Variants in TMCC1 observed in about 807,000 individuals in gnomAD.
TMCC1 encodes the protein transmembrane and coiled-coil domain family 1.
Under a neutral mutation model 52.4 loss-of-function variants are expected in TMCC1, and 15 were observed. That is an observed-to-expected ratio of 0.29 (90% CI 0.19 to 0.44). TMCC1 has a LOEUF of 0.44. Ranked by LOEUF, TMCC1 falls within the 20% of genes least tolerant of loss-of-function variation. The probability of loss-of-function intolerance (pLI) is 1.00; values close to 1 mark genes in which losing one functional copy is unlikely to be tolerated. For synonymous variants in TMCC1, 279 were observed against 301.9 expected (o/e 0.92, Z 0.79); for missense variants, 503 against 806.0 (o/e 0.62, Z 4.55).
At chr3:129,837,421 C>T (rs1312299805) in intron 2 of TMCC1, among the ~76,000 whole-genome samples, 1 of 152,088 alleles carries the variant, frequency 6.6e-6, no homozygotes, top group African/African-American at 2.4e-5. Context: ...AATTTGAAGC[C>T]TCTAGTTCCC....
chr3:129,813,956 C>T (rs144222244), intron 4 of TMCC1, among the ~76,000 whole-genome samples: 507 of 150,504 alleles, frequency 3.4e-3, no homozygotes, highest in Middle Eastern at 6.9e-3. Context: ...TTCATCCATT[C>T]TAAACTTGTC....
intron 4 of TMCC1, chr3:129,688,171 T>G (rs1418031910): frequency 6.1e-6 from 6 of 985,356 alleles, no homozygotes; most frequent in Non-Finnish European, 7.2e-6. Flanking sequence ...AACACATTTA[T>G]CTTACCAAAA....
chr3:129,765,174 A>C lies in TMCC1; in HGVS notation c.576+62629T>G, dbSNP rs146073870. ...CCAAAAGTCACCTGCCCCATACTTA[A>C]AAACAGAGAAATTTTCAGAGAAAAA... On this transcript the variant is annotated intron_variant, in intron 4 of 6. Transcript: ENST00000393238. 4.6e-5 allele frequency among the ~76,000 whole-genome samples: 7 copies of C among 151,776 alleles called. No individual in the cohort carries two copies. In the East Asian group the frequency reaches 1.4e-3, roughly 29 times the overall value.
chr3:129,827,660 C>T (rs2058714566), intron 4 of TMCC1, 143 bp downstream of exon 4: 1 of 878,500 alleles, frequency 1.1e-6, no homozygotes, highest in Non-Finnish European at 1.7e-6. Flanking sequence ...TTATTATTTA[C>T]CCATTTGAAA....
chr3:129,737,911 A>C (rs922461320), intron 4 of TMCC1, among the ~76,000 whole-genome samples: 1 of 152,192 alleles, frequency 6.6e-6, no homozygotes, highest in Non-Finnish European at 1.5e-5. Context: ...CCATTGGCCT[A>C]TGAGTCACAT....
intron 4 of TMCC1, among the ~76,000 whole-genome samples, chr3:129,676,475 A>G (rs1373764395): frequency 6.6e-6 from 1 of 152,202 alleles, no homozygotes; most frequent in African/African-American, 2.4e-5. Context: ...AAATTTATCT[A>G]TTAACTGATC....
intron 6 of TMCC1, among the ~76,000 whole-genome samples, chr3:129,653,979 A>T (rs898304205): frequency 1.3e-5 from 2 of 152,206 alleles, no homozygotes; most frequent in Non-Finnish European, 2.9e-5. Context: ...AACATATGCA[A>T]TTAGAAAAAA....
intron 1 of TMCC1, among the ~76,000 whole-genome samples, chr3:129,891,057 A>C (rs149251630): frequency 1.0e-3 from 158 of 152,362 alleles, no homozygotes; most frequent in African/African-American, 3.7e-3. Flanking sequence ...CTGGAAAACA[A>C]GAGCAGCTCA....
chr3:129,838,628 C>A (rs371381029), intron 2 of TMCC1, among the ~76,000 whole-genome samples: 6 of 151,376 alleles, frequency 4.0e-5, no homozygotes, highest in African/African-American at 1.5e-4. Flanking sequence ...TGGTGCGTGC[C>A]TGTAATCCCA....
chr3:129,830,795 A>T (rs1236391301), intron 3 of TMCC1, among the ~76,000 whole-genome samples: 2 of 152,226 alleles, frequency 1.3e-5, no homozygotes, highest in East Asian at 1.9e-4. Context: ...ATTACTCAGC[A>T]AATCTACTTA....
intron 4 of TMCC1, among the ~76,000 whole-genome samples, chr3:129,700,309 A>C (rs2047726280): frequency 6.6e-6 from 1 of 152,200 alleles, no homozygotes. Flanking sequence ...AGACAAAAAA[A>C]CCTATTAAGT....
At chr3:129,667,903 T>C (rs573905666) in intron 5 of TMCC1, among the ~76,000 whole-genome samples, 79 of 151,894 alleles carry the variant, frequency 5.2e-4, no homozygotes, top group Middle Eastern at 3.4e-3. Flanking sequence ...AATAGAGGAG[T>C]TGACGGGGTA....
chr3:129,756,112 AAAAGAAAAAAAAAG>A (rs2052985221), intron 4 of TMCC1, among the ~76,000 whole-genome samples: 1 of 125,666 alleles, frequency 8.0e-6, no homozygotes, highest in African/African-American at 2.5e-5. Flanking sequence ...AAAAAAAAAA[AAAAGAAAAAAAAAG>A]AAAGAAAAAA....
chr3:129,776,958 A>T (rs555177323), intron 4 of TMCC1, among the ~76,000 whole-genome samples: 1 of 152,312 alleles, frequency 6.6e-6, no homozygotes, highest in Non-Finnish European at 1.5e-5. Flanking sequence ...TTAAAAAGGC[A>T]GCTTGGCATT....
At chr3:129,706,654 T>G (rs1254918479) in intron 4 of TMCC1, among the ~76,000 whole-genome samples, 1 of 152,186 alleles carries the variant, frequency 6.6e-6, no homozygotes, top group Admixed American at 6.5e-5. Context: ...CACAGGAAAC[T>G]CCTAAACTTT....
At chr3:129,848,811 C>T (rs963592927) in intron 2 of TMCC1, among the ~76,000 whole-genome samples, 1 of 152,148 alleles carries the variant, frequency 6.6e-6, no homozygotes, top group African/African-American at 2.4e-5. Flanking sequence ...ACACTTAACT[C>T]TTCAAATCTA....
At chr3:129,877,716 C>A (rs2061285001) in intron 2 of TMCC1, among the ~76,000 whole-genome samples, 1 of 150,642 alleles carries the variant, frequency 6.6e-6, no homozygotes, top group South Asian at 2.1e-4. Context: ...GCAACCTCCA[C>A]CTCCCAGGTT....
At chr3:129,740,518 C>T (rs995749489) in intron 4 of TMCC1, among the ~76,000 whole-genome samples, 1 of 152,136 alleles carries the variant, frequency 6.6e-6, no homozygotes, top group Non-Finnish European at 1.5e-5. Context: ...ATAATGTTTC[C>T]TAACTCATGG....
intron 4 of TMCC1, among the ~76,000 whole-genome samples, chr3:129,705,510 T>G (rs1274226237): frequency 1.3e-5 from 2 of 152,194 alleles, no homozygotes; most frequent in East Asian, 3.8e-4. Flanking sequence ...TTTGAATACC[T>G]GTAAGCCTTC....
Sources: gnomAD v4.1 joint callset for allele counts (sites outside exome capture counted in the v4.1 genomes callset) on GRCh38, gnomAD v4.1.1 for gene constraint, MANE v1.5 for transcripts, NCBI Gene and HGNC (gene_info 2026-07-23, HGNC 2026-07-21) for gene names.